The following LRFN5 variants were observed in gnomAD, a reference collection of about 807,000 sequenced individuals.
LRFN5 encodes leucine rich repeat and fibronectin type III domain containing 5.
LRFN5 carries 24 observed loss-of-function variants against 45.6 expected under a neutral mutation model. That is an observed-to-expected ratio of 0.53 (90% CI 0.38 to 0.74). The LOEUF (loss-of-function observed/expected upper bound fraction) is 0.74. LRFN5 is among the 30% of genes least tolerant of loss of function. LRFN5 has a pLI of 0.00. For synonymous variants in LRFN5, 340 were observed against 313.8 expected, an observed-to-expected ratio of 1.08 and a Z score of -0.88; for missense variants, 776 against 861.5, an observed-to-expected ratio of 0.90 and a Z score of 1.24.
At chr14:41,616,670 G>A (rs1292081298) in intron 1 of LRFN5, among the ~76,000 whole-genome samples, 1 of 152,144 alleles carries the variant, frequency 6.6e-6, no homozygotes, top group Non-Finnish European at 1.5e-5. Flanking sequence ...TATCCTGGTA[G>A]AATGAGTCTT....
chr14:41,864,982 A>T (rs1889789312), intron 2 of LRFN5, among the ~76,000 whole-genome samples: 1 of 152,100 alleles, frequency 6.6e-6, no homozygotes, highest in South Asian at 2.1e-4. Flanking sequence ...GCAGCAAACC[A>T]CATCACATTA....
At chr14:41,839,714 G>T (rs1888793183) in intron 2 of LRFN5, among the ~76,000 whole-genome samples, 1 of 152,070 alleles carries the variant, frequency 6.6e-6, no homozygotes, top group South Asian at 2.1e-4. Flanking sequence ...TTCTGTGGAG[G>T]GACCTTGAAA....
chr14:41,883,694 C>T (rs936144886), intron 2 of LRFN5, among the ~76,000 whole-genome samples: 2 of 152,126 alleles, frequency 1.3e-5, no homozygotes, highest in African/African-American at 4.8e-5. Flanking sequence ...ATTTTGTTTA[C>T]CTTACCTTAT....
At chr14:41,826,019 C>A (rs1403668512) in intron 2 of LRFN5, among the ~76,000 whole-genome samples, 1 of 152,198 alleles carries the variant, frequency 6.6e-6, no homozygotes, top group Non-Finnish European at 1.5e-5. Context: ...TAGGCTCCAG[C>A]ATTCTACTTT....
At chr14:41,660,224 T>G (rs1880582368) in intron 1 of LRFN5, among the ~76,000 whole-genome samples, 1 of 151,900 alleles carries the variant, frequency 6.6e-6, no homozygotes, top group African/African-American at 2.4e-5. Context: ...GGAGGTTTCT[T>G]CATGTTAGCC....
intron 1 of LRFN5, among the ~76,000 whole-genome samples, chr14:41,680,753 T>A (rs530481231): frequency 3.9e-5 from 6 of 151,980 alleles, no homozygotes; most frequent in African/African-American, 1.4e-4. Context: ...AAACGTGACC[T>A]CACCAAATGA....
intron 1 of LRFN5, chr14:41,700,394 T>A (rs1030663217): frequency 2.6e-5 from 4 of 152,072 alleles, no homozygotes; most frequent in Non-Finnish European, 5.9e-5. Context: ...ACTTTGGGTT[T>A]GAAATATGCT....
At chr14:41,837,789 T>C (rs1370098383) in intron 2 of LRFN5, among the ~76,000 whole-genome samples, 1 of 152,198 alleles carries the variant, frequency 6.6e-6, no homozygotes, top group Non-Finnish European at 1.5e-5. Context: ...AAATAATTTA[T>C]CTGGGAGTTT....
intron 1 of LRFN5, among the ~76,000 whole-genome samples, chr14:41,670,024 A>G (rs1319592299): frequency 2.7e-5 from 4 of 149,776 alleles, no homozygotes; most frequent in Non-Finnish European, 4.5e-5. Flanking sequence ...CAGTATATAA[A>G]ATATAACATA....
intron 1 of LRFN5, among the ~76,000 whole-genome samples, chr14:41,754,660 T>C (rs186058260): frequency 0.013 from 1,993 of 152,344 alleles, 14 homozygotes; most frequent in Middle Eastern, 0.037. Flanking sequence ...CTCTCTTTTC[T>C]TCTTTATCAG....
intron 2 of LRFN5, among the ~76,000 whole-genome samples, chr14:41,792,813 G>A (rs186607979): frequency 6.6e-6 from 1 of 152,146 alleles, no homozygotes; most frequent in Admixed American, 6.6e-5. Flanking sequence ...CAGTGGTCCT[G>A]AGGTGACCTA....
intron 1 of LRFN5, among the ~76,000 whole-genome samples, chr14:41,765,067 C>T (rs567238061): frequency 6.6e-6 from 1 of 151,878 alleles, no homozygotes; most frequent in Non-Finnish European, 1.5e-5. Flanking sequence ...ACAGGCCGGG[C>T]GTGGTGGCTG....
chr14:41,761,176 A>C (rs2138869267), intron 1 of LRFN5, among the ~76,000 whole-genome samples: 1 of 152,120 alleles, frequency 6.6e-6, no homozygotes, highest in South Asian at 2.1e-4. Context: ...TGACACCCTG[A>C]TGTAGGTATT....
At chr14:41,647,010 A>G (rs1202306870) in intron 1 of LRFN5, among the ~76,000 whole-genome samples, 1 of 152,186 alleles carries the variant, frequency 6.6e-6, no homozygotes, top group Non-Finnish European at 1.5e-5. Flanking sequence ...AGGAAGTAAA[A>G]TTTGGTGAAA....
chr14:41,743,993 A>C (rs1406215505), intron 1 of LRFN5, among the ~76,000 whole-genome samples: 1 of 152,126 alleles, frequency 6.6e-6, no homozygotes, highest in Non-Finnish European at 1.5e-5. Context: ...GAGTCTTGTA[A>C]TTGGAGGATG....
At chr14:41,799,254 C>A (rs1175349011) in intron 2 of LRFN5, among the ~76,000 whole-genome samples, 1 of 151,908 alleles carries the variant, frequency 6.6e-6, no homozygotes, top group African/African-American at 2.4e-5. Context: ...AACCAAAAGT[C>A]TGCTCTAATT....
Position 41,887,181 on chromosome 14 carries a change from A to T in LRFN5, c.556A>T (p.Ile186Phe). 1 of 1,614,110 alleles carries T rather than the reference A, an allele frequency of 6.2e-7. No individual in the cohort carries two copies. The change falls in exon 3 of 6, where the codon ATT becomes TTT. Residue 186 changes from isoleucine (I) to phenylalanine (F), a missense_variant. Physicochemically the swap from Ile to Phe is conservative, Grantham distance 21 (BLOSUM62 0). Around this residue, in one of 2 missense-constraint regions of LRFN5, gnomAD observed 311 missense variants for 405.1 expected, o/e 0.77. Coordinates refer to ENST00000298119, the MANE Select transcript of LRFN5 (RefSeq NM_152447.5). This position sits in a 1 kb window ranked among gnomAD's most constrained non-coding sequence, Gnocchi z 4.8. ...LSLDHNMIDN[I>F]PKGTFSHLHK... ...TTTGGATCACAATATGATTGATAAC[A>T]TTCCTAAGGGGACCTTCTCCCATTT...
chr14:41,611,889 C>A (rs776999781), intron 1 of LRFN5, among the ~76,000 whole-genome samples: 23 of 152,082 alleles, frequency 1.5e-4, no homozygotes, highest in Non-Finnish European at 7.4e-5. Context: ...GGGAGAATAC[C>A]CCCACCCTAT....
At chr14:41,749,857 A>G (rs936643111) in intron 1 of LRFN5, among the ~76,000 whole-genome samples, 3 of 152,138 alleles carry the variant, frequency 2.0e-5, no homozygotes, top group Admixed American at 1.3e-4. Context: ...TTTTCATCCT[A>G]ATGTTGAAAG....
Sources: gnomAD v4.1 joint callset for allele counts (sites outside exome capture counted in the v4.1 genomes callset) on GRCh38, gnomAD v4.1.1 for gene constraint, gnomAD v4.1.1 regional missense constraint, Gnocchi (gnomAD v3.1) non-coding constraint, MANE v1.5 for transcripts, NCBI Gene and HGNC (gene_info 2026-07-23, HGNC 2026-07-21) for gene names.